Variants in GABRB1 observed in about 807,000 individuals in gnomAD.
The protein encoded by GABRB1 is gamma-aminobutyric acid type A receptor subunit beta1.
Under a neutral mutation model 51.6 loss-of-function variants are expected in GABRB1, and 17 were observed. The observed-to-expected ratio is 0.33, with a 90% CI of 0.23 to 0.49. The LOEUF (loss-of-function observed/expected upper bound fraction) is 0.49. Among genes scored for constraint, GABRB1 ranks in the 20% least tolerant of loss-of-function variants. GABRB1 has a pLI of 0.99. For synonymous variants in GABRB1, 247 were observed against 218.9 expected, an observed-to-expected ratio of 1.13 and a Z score of -1.14; for missense variants, 410 against 600.6, an observed-to-expected ratio of 0.68 and a Z score of 3.32.
chr4:47,262,105 G>A (rs556596856), intron 4 of GABRB1, among the ~76,000 whole-genome samples: 88 of 151,456 alleles, frequency 5.8e-4, no homozygotes, highest in African/African-American at 2.0e-3. Context: ...AGAAAACCTA[G>A]GCATTACCAT....
intron 4 of GABRB1, among the ~76,000 whole-genome samples, chr4:47,256,517 T>C (rs899050895): frequency 6.6e-6 from 1 of 152,236 alleles, no homozygotes; most frequent in Non-Finnish European, 1.5e-5. Flanking sequence ...GTTCTCGCAT[T>C]GCTATGAAGA....
chr4:47,372,229 C>T (rs944878923), intron 5 of GABRB1, among the ~76,000 whole-genome samples: 18 of 152,132 alleles, frequency 1.2e-4, no homozygotes, highest in African/African-American at 3.6e-4. Flanking sequence ...TCAGGTTTGT[C>T]GAAGATCCGA....
At chr4:47,249,987 A>G (rs1252100178) in intron 4 of GABRB1, among the ~76,000 whole-genome samples, 1 of 151,928 alleles carries the variant, frequency 6.6e-6, no homozygotes, top group African/African-American at 2.4e-5. Flanking sequence ...TTGCCTGTGT[A>G]CTTTGGTATT....
rs570943529 is a variant in GABRB1 at position 47,109,822 on chromosome 4, C to G, written c.241-51427C>G. On this transcript the variant is annotated intron_variant, in intron 3 of 8. Transcript: ENST00000295454. ...GTTCTTTTCTGATCTTTTGAGAAGT[C>G]TATTTCTTTCAATCTCAAGAATTAA... Among the ~76,000 whole-genome samples the G allele has an allele frequency of 8.5e-5, 13 of 152,234 alleles. No individual in the cohort carries two copies. In the South Asian group the frequency reaches 2.7e-3, roughly 32 times the overall value.
At chr4:47,288,078 T>A (rs1363340006) in intron 4 of GABRB1, among the ~76,000 whole-genome samples, 1 of 152,122 alleles carries the variant, frequency 6.6e-6, no homozygotes, top group Admixed American at 6.5e-5. Flanking sequence ...ACGCATTTGT[T>A]GTTTTAAGCA....
intron 4 of GABRB1, among the ~76,000 whole-genome samples, chr4:47,224,995 A>G (rs1219834994): frequency 6.6e-6 from 1 of 152,128 alleles, no homozygotes; most frequent in African/African-American, 2.4e-5. Flanking sequence ...CTCGGATTCA[A>G]GCAATTCTCC....
rs551109988 is a variant in GABRB1, at chr4:47,141,536, G to A, written c.241-19713G>A. Among the ~76,000 whole-genome samples the A allele has an allele frequency of 2.0e-5, 3 of 151,890 alleles. No individual in the cohort carries two copies. The East Asian group carries it at 5.8e-4, about 29-fold the overall frequency. On this transcript the variant is annotated intron_variant, in intron 3 of 8. Transcript: ENST00000295454. Reference sequence around the variant, plus strand: ...AGTCATTATGCACGTTATATTTTATGGACTATGAAATTCATTTCTTGCCTT... The same window carrying A: ...AGTCATTATGCACGTTATATTTTATAGACTATGAAATTCATTTCTTGCCTT...
intron 1 of GABRB1, among the ~76,000 whole-genome samples, chr4:47,006,633 C>G (rs923351217): frequency 1.3e-5 from 2 of 152,086 alleles, no homozygotes; most frequent in African/African-American, 4.8e-5. Context: ...ATCATTATAT[C>G]TAGGTTTAGC....
chr4:47,101,542 A>C (rs1029702443), intron 3 of GABRB1, among the ~76,000 whole-genome samples: 2 of 151,872 alleles, frequency 1.3e-5, no homozygotes, highest in Non-Finnish European at 2.9e-5. Context: ...TGTTTTGGCC[A>C]ACCCCTCTCT....
rs781706924 is a variant in GABRB1 at position 47,104,909 on chromosome 4, T to G, written c.241-56340T>G. ...AAAATTCTCTGATTGTTTCAACATC[T>G]ATATCCTATCTATATCTGGTCCTAT... On this transcript the variant is annotated intron_variant, in intron 3 of 8. Transcript: ENST00000295454. Among the ~76,000 whole-genome samples, 117 of 152,108 alleles carry G rather than the reference T, an allele frequency of 7.7e-4. 2 individuals are homozygous for G. The highest frequency in any genetic ancestry group is 1.8e-4 in the Non-Finnish European group (12 of 67,978).
chr4:47,226,692 C>T (rs951369998), intron 4 of GABRB1, among the ~76,000 whole-genome samples: 4 of 152,030 alleles, frequency 2.6e-5, no homozygotes, highest in Admixed American at 2.0e-4. Context: ...AGAGATAGGG[C>T]AAAAGAAAAC....
intron 4 of GABRB1, among the ~76,000 whole-genome samples, chr4:47,312,306 C>T (rs80342389): frequency 0.012 from 1,837 of 152,174 alleles, 29 homozygotes; most frequent in South Asian, 0.082. Context: ...CAGGATTTCA[C>T]CTTCAAATAC....
chr4:47,028,227 T>C (rs1288286131), upstream of GABRB1, among the ~76,000 whole-genome samples: 1 of 151,792 alleles, frequency 6.6e-6, no homozygotes, highest in Non-Finnish European at 1.5e-5. Context: ...GTTTATGGGG[T>C]ACATGAGATG....
intron 4 of GABRB1, among the ~76,000 whole-genome samples, chr4:47,252,101 C>A (rs1459733189): frequency 2.7e-5 from 4 of 149,754 alleles, no homozygotes; most frequent in East Asian, 2.0e-4. Flanking sequence ...CGCTGCCCCC[C>A]CTCCTACTCC....
intron 4 of GABRB1, among the ~76,000 whole-genome samples, chr4:47,193,395 C>T (rs1319225770): frequency 6.6e-6 from 1 of 152,210 alleles, no homozygotes; most frequent in Non-Finnish European, 1.5e-5. Context: ...AGTGGAATTA[C>T]AGGCGTGAGC....
chr4:47,046,480 A>C (rs1726095195), intron 3 of GABRB1, among the ~76,000 whole-genome samples: 1 of 152,098 alleles, frequency 6.6e-6, no homozygotes, highest in South Asian at 2.1e-4. Flanking sequence ...AAACATCCAA[A>C]AATCTCACTG....
At chr4:47,057,045 C>T (rs1280858038) in intron 3 of GABRB1, among the ~76,000 whole-genome samples, 4 of 152,106 alleles carry the variant, frequency 2.6e-5, no homozygotes, top group African/African-American at 9.7e-5. Context: ...GACGAGGTTG[C>T]AGTGAGCCGA....
intron 3 of GABRB1, among the ~76,000 whole-genome samples, chr4:47,124,507 C>G (rs963184765): frequency 6.6e-6 from 1 of 152,146 alleles, no homozygotes; most frequent in Non-Finnish European, 1.5e-5. Flanking sequence ...AGCTCTGTAA[C>G]TAATCCTAAA....
chr4:47,414,279 C>T (rs923712099), intron 8 of GABRB1, among the ~76,000 whole-genome samples: 17 of 152,138 alleles, frequency 1.1e-4, no homozygotes, highest in Non-Finnish European at 2.9e-5. Context: ...GACATGTGCC[C>T]AAGGTGGTCA....
Sources: allele counts gnomAD v4.1 joint callset (sites outside exome capture counted in the v4.1 genomes callset), GRCh38; gene constraint gnomAD v4.1.1; transcripts MANE v1.5; gene names NCBI Gene and HGNC (gene_info 2026-07-23, HGNC 2026-07-21).